MOV10L1: variants seen among roughly 807,000 people sequenced by gnomAD.
MOV10L1 encodes the protein RNA helicase Mov10l1.
In MOV10L1, 110 loss-of-function variants were observed where a neutral mutation model predicts 143.8. That is an observed-to-expected ratio of 0.76 (90% CI 0.66 to 0.90). The LOEUF is 0.90. Ranked by LOEUF, MOV10L1 falls within the 40% of genes least tolerant of loss-of-function variation. MOV10L1 has a pLI of 0.00. For synonymous variants in MOV10L1, 593 were observed against 581.1 expected, an observed-to-expected ratio of 1.02 and a Z score of -0.29; for missense variants, 1,406 against 1,526.8, an observed-to-expected ratio of 0.92 and a Z score of 1.32.
chr22:50,130,577 AG>A (rs11354964), intron 13 of MOV10L1, among the ~76,000 whole-genome samples: 33,997 of 151,870 alleles, frequency 0.22, 4,127 homozygotes, highest in Admixed American at 0.35. Context: ...GAGGACCAGG[AG>A]GGGGGTACTT....
At position 50,120,584 on chromosome 22, in the gene MOV10L1, G is replaced by T. The variant is rs779728465; in HGVS notation, c.1537G>T (p.Asp513Tyr). Residue 513 changes from aspartate (D) to tyrosine (Y), a missense_variant, in exon 10 of 27, where the codon GAC (aspartate) becomes TAC (tyrosine). Asp to Tyr is a radical substitution (Grantham distance 160). Around this residue, in one of 3 missense-constraint regions of MOV10L1, gnomAD observed 1,233 missense variants for 1,351.4 expected, o/e 0.91. Transcript: ENST00000262794. ...TAGAAAATGTGTGGAACAAAAAATT[G>T]ACATCCTGACTTTCCAGCCATTACT... ...RLRKCVEQKI[D>Y]ILTFQPLLAE... is the part of the protein sequence containing the mutation. The T allele has an allele frequency of 6.2e-7, 1 of 1,613,222 alleles. No homozygotes were observed. The highest frequency in any genetic ancestry group is 1.1e-5 in the South Asian group (1 of 90,918).
At chr22:50,154,543 A>C (rs748695226) in intron 22 of MOV10L1, among the ~76,000 whole-genome samples, 1 of 152,132 alleles carries the variant, frequency 6.6e-6, no homozygotes, top group African/African-American at 2.4e-5. Context: ...ACCCCAGCCC[A>C]GGCGACAGAG....
In MOV10L1 at chr22:50,108,415, T is replaced by A. The variant is rs3810972; in HGVS notation, c.555+167T>A. On this transcript the variant is annotated intron_variant, in intron 4 of 26. Coordinates refer to ENST00000262794, the MANE Select transcript of MOV10L1 (RefSeq NM_018995.3). The stretch of plus-strand genomic sequence containing the variant: ...CCTATTGACAATGCTGTGTTTCGTT[T>A]GGAAACAATAACTCCTAGTGCTTGC... 190,686 of 793,374 alleles carry A rather than the reference T, an allele frequency of 0.24. 24,280 individuals are homozygous for A. Among genetic ancestry groups the A allele is most frequent in the Admixed American group, 0.39 (19,203 of 49,734 alleles). The allele number at this position is 793,374 out of a possible 1,614,324, so 49.1% of individuals were successfully genotyped here.
chr22:50,150,090 CCT>C (rs1378573132), intron 20 of MOV10L1, among the ~76,000 whole-genome samples: 1 of 152,164 alleles, frequency 6.6e-6, no homozygotes, highest in Non-Finnish European at 1.5e-5. Context: ...CTCTGTGCAT[CCT>C]CTGTTCTCTG....
rs2063482251 is a variant in MOV10L1, at chr22:50,158,492, C to T, written c.3216+286C>T. On this transcript the variant is annotated intron_variant, in intron 23 of 26. Coordinates refer to ENST00000262794, the MANE Select transcript of MOV10L1 (RefSeq NM_018995.3). The surrounding 1 kb of genome is among the most constrained non-coding windows in gnomAD (Gnocchi z 5.0). ...CTTGATATTTGGCCCTTTGGGAAAA[C>T]ATTTGCCAACCCCCAGCTCTAACCC... is the stretch of plus-strand genomic sequence containing the variant. 1 of 385,654 alleles carries T rather than the reference C, an allele frequency of 2.6e-6. No individual in the cohort carries two copies. Among genetic ancestry groups the T allele is most frequent in the Non-Finnish European group, 4.7e-6 (1 of 213,386 alleles). 23.9% of individuals were successfully genotyped at this position (385,654 alleles called of 1,614,324 possible). A position where few individuals can be genotyped will look rare whatever the true frequency, so the allele number is the denominator to read the frequency against.
At chr22:50,130,862 G>A (rs114857241) in intron 13 of MOV10L1, among the ~76,000 whole-genome samples, 58 of 152,230 alleles carry the variant, frequency 3.8e-4, no homozygotes, top group African/African-American at 1.4e-3. Context: ...GATTTAATTT[G>A]TATTTTTCTA....
rs374213443 is a variant in MOV10L1, at chr22:50,143,241, G to A, written c.2358+20G>A. ...TTACAGGTAAGGACAGCGGCGCCGC[G>A]GGTGCTGTGGCTCTGTGCTGCTGTT... On this transcript the variant is annotated intron_variant, in intron 17 of 26. Coordinates refer to ENST00000262794, the MANE Select transcript of MOV10L1 (RefSeq NM_018995.3). 409 of 1,612,370 alleles carry A rather than the reference G, an allele frequency of 2.5e-4. 1 individual carries two copies. Among genetic ancestry groups the A allele is most frequent in the Non-Finnish European group, 3.4e-4 (396 of 1,178,966 alleles).
intron 5 of MOV10L1, among the ~76,000 whole-genome samples, chr22:50,110,317 C>CG (rs2061988660): frequency 6.6e-6 from 1 of 151,780 alleles, no homozygotes; most frequent in South Asian, 2.1e-4. Context: ...GGCGTGGTGG[C>CG]CGGCGCCTGT....
chr22:50,122,403 CCTG>C (rs2062370938), intron 10 of MOV10L1, among the ~76,000 whole-genome samples: 1 of 152,014 alleles, frequency 6.6e-6, no homozygotes. Flanking sequence ...GATTTTGTAC[CCTG>C]CTACTTTGCT....
At chr22:50,115,643 C>T (rs2062152794) in intron 8 of MOV10L1, among the ~76,000 whole-genome samples, 1 of 152,202 alleles carries the variant, frequency 6.6e-6, no homozygotes, top group Non-Finnish European at 1.5e-5. Flanking sequence ...TGTGACCCAC[C>T]TGGGGCAATG....
chr22:50,117,131 C>T, intron 8 of MOV10L1, 26 bp from the exon 9 acceptor site: 3 of 1,586,548 alleles, frequency 1.9e-6, no homozygotes, highest in Non-Finnish European at 2.6e-6. Context: ...ATGACTAAAA[C>T]TAAATTTCAT....
rs1254351027 is a variant in MOV10L1, at chr22:50,144,808, C to A, written c.2505+565C>A. Among the ~76,000 whole-genome samples, 13 of 152,172 alleles carry A rather than the reference C, an allele frequency of 8.5e-5. 2 individuals carry two copies. The East Asian group carries it at 1.9e-3, about 23-fold the overall frequency. On this transcript the variant is annotated intron_variant, in intron 18 of 26. Transcript: ENST00000262794. Reference sequence around the variant, plus strand: ...GTGTTAGCCAGGATGGTCTCGATCTCCTGACCTCATGATCTGCCCGCCTCG... The same window carrying A: ...GTGTTAGCCAGGATGGTCTCGATCTACTGACCTCATGATCTGCCCGCCTCG...
intron 5 of MOV10L1, among the ~76,000 whole-genome samples, chr22:50,112,315 G>A (rs997774514): frequency 7.9e-5 from 12 of 152,162 alleles, no homozygotes; most frequent in African/African-American, 2.7e-4. Context: ...TGAGCCTGGC[G>A]GTGCCAGGAA....
chr22:50,144,592 T>C (rs73187209), intron 18 of MOV10L1, among the ~76,000 whole-genome samples: 1 of 142,238 alleles, frequency 7.0e-6, no homozygotes, highest in Non-Finnish European at 1.6e-5. Flanking sequence ...GTTTTGTTTT[T>C]TTTTTTTGAG....
In MOV10L1 at chr22:50,108,239, C is replaced by T. The variant is rs766179026; in HGVS notation, c.546C>T (p.Arg182=). 5.6e-6 allele frequency: 9 copies of T among 1,613,272 alleles called. No homozygotes were observed. In the South Asian group the frequency reaches 6.6e-5, roughly 12 times the overall value. ...ATSVKPLRYK[R]VDKVCISSLC... ...CAGTGAAGCCACTGAGATACAAGCG[C>T]GTGGACAAGGTAGCGTGCCGACTAG... is the stretch of plus-strand genomic sequence containing the variant. The change falls in exon 4 of 27, where the codon CGC becomes CGT. Residue 182 remains arginine (R), a synonymous_variant. Transcript: ENST00000262794.
intron 10 of MOV10L1, among the ~76,000 whole-genome samples, chr22:50,124,945 C>A (rs2147218926): frequency 6.6e-6 from 1 of 152,322 alleles, no homozygotes; most frequent in Non-Finnish European, 1.5e-5. Flanking sequence ...TGTTTAAACA[C>A]CATCGTTTCT....
At chr22:50,119,663 C>A (rs541395524) in intron 9 of MOV10L1, among the ~76,000 whole-genome samples, 1 of 150,250 alleles carries the variant, frequency 6.7e-6, no homozygotes, top group Non-Finnish European at 1.5e-5. Flanking sequence ...TCCAAATACA[C>A]CTCGCATGTG....
At chr22:50,141,522 T>C (rs2062988175) in intron 15 of MOV10L1, among the ~76,000 whole-genome samples, 1 of 150,986 alleles carries the variant, frequency 6.6e-6, no homozygotes, top group Non-Finnish European at 1.5e-5. Flanking sequence ...GTATTTTTGC[T>C]AGAAACAGGG....
chr22:50,115,170 C>T lies in MOV10L1; in HGVS notation c.1183C>T (p.Gln395Ter). ...GEKDNILSRK[Q>*]MTEPEPGGLV... Reference sequence around the variant, plus strand: ...AAAAGACAACATTCTATCAAGGAAGCAGATGACAGAGCCTGAGCCTGGGGG... The same window carrying T: ...AAAAGACAACATTCTATCAAGGAAGTAGATGACAGAGCCTGAGCCTGGGGG... Residue 395 changes from glutamine to a stop codon, truncating the protein, a stop_gained, in exon 8 of 27, where the codon CAG becomes TAG. Transcript: ENST00000262794. LOFTEE classifies it high-confidence loss of function. The T allele has an allele frequency of 6.4e-7, 1 of 1,569,604 alleles. No homozygotes were observed. The highest frequency in any genetic ancestry group is 2.4e-5 in the East Asian group (1 of 41,940).
Sources: allele counts gnomAD v4.1 joint callset (sites outside exome capture counted in the v4.1 genomes callset), GRCh38; gene constraint gnomAD v4.1.1; regional missense constraint gnomAD v4.1.1; non-coding constraint Gnocchi (gnomAD v3.1); transcripts MANE v1.5; gene names NCBI Gene and HGNC (gene_info 2026-07-23, HGNC 2026-07-21).